The following MYOM2 variants were observed in gnomAD, a reference collection of about 807,000 sequenced individuals.
MYOM2 encodes myomesin 2, also known as myomesin-2.
In MYOM2, 254 loss-of-function variants were observed where a neutral mutation model predicts 187.6. That is an observed-to-expected ratio of 1.35 (90% CI 1.22 to 1.50). The LOEUF (loss-of-function observed/expected upper bound fraction) is 1.50. Ranked by LOEUF, MYOM2 falls within the 40% of genes most tolerant of loss-of-function variation. MYOM2 has a pLI of 0.00. For missense variants in MYOM2, 2,796 were observed against 1,924.0 expected (o/e 1.45, Z -8.48); for synonymous variants, 981 against 753.8 (o/e 1.30, Z -4.94).
At chr8:2,063,313 T>C (rs960257799) in intron 6 of MYOM2, among the ~76,000 whole-genome samples, 5 of 152,230 alleles carry the variant, frequency 3.3e-5, no homozygotes, top group Admixed American at 3.3e-4. Flanking sequence ...AGCTTTTCCT[T>C]CTGTGACATG....
chr8:2,141,322 C>G, intron 34 of MYOM2, 145 bp downstream of exon 34: 1 of 631,678 alleles, frequency 1.6e-6, no homozygotes, highest in Non-Finnish European at 2.8e-6. Flanking sequence ...TTAAGCAATG[C>G]AGTATATGGA....
At chr8:2,123,709 T>C in intron 30 of MYOM2, 67 bp downstream of exon 30, 1 of 1,376,930 alleles carries the variant, frequency 7.3e-7, no homozygotes, top group East Asian at 2.3e-5. Context: ...GGATGTATTC[T>C]GAAGGCAGGT....
rs1020181289 is a variant in MYOM2, at chr8:2,108,690, G to C, written c.2999-96G>C. On this transcript the variant is annotated intron_variant, in intron 23 of 36. Coordinates refer to ENST00000262113, the MANE Select transcript of MYOM2 (RefSeq NM_003970.4). ...TTCGTGTCCTCCAATTAAATCCTGGGGGTTTCCAATCTTGCTCGTGTGTCG... is the reference window on the plus strand; with the variant it reads ...TTCGTGTCCTCCAATTAAATCCTGGCGGTTTCCAATCTTGCTCGTGTGTCG... The C allele has an allele frequency of 1.7e-5, 19 of 1,145,430 alleles. No individual in the cohort carries two copies. The African/African-American group carries it at 2.1e-4, about 13-fold the overall frequency. 71.0% of individuals were successfully genotyped at this position (1,145,430 alleles called of 1,614,324 possible).
chr8:2,086,525 C>CTGTTGTGATCTCTGCGTGGCCCCCT, intron 14 of MYOM2, among the ~76,000 whole-genome samples: 1 of 135,080 alleles, frequency 7.4e-6, no homozygotes, highest in Non-Finnish European at 1.7e-5. Context: ...CGTGGCCCCA[C>CTGTTGTGATCTCTGCGTGGCCCCCT]ACTGTCGTGT....
intron 32 of MYOM2, among the ~76,000 whole-genome samples, chr8:2,134,640 C>A (rs563190439): frequency 6.6e-6 from 1 of 152,266 alleles, no homozygotes; most frequent in East Asian, 1.9e-4. Context: ...CTGTGCATCT[C>A]CTCATTCAGC....
chr8:2,132,912 G>A (rs116945025), intron 32 of MYOM2, among the ~76,000 whole-genome samples: 4,173 of 152,188 alleles, frequency 0.027, 66 homozygotes, highest in Middle Eastern at 0.048. Flanking sequence ...GCACATCTTC[G>A]TCCTTATGTC....
rs1276312609 is a variant in MYOM2, at chr8:2,076,224, A to C, written c.1204A>C (p.Thr402Pro). Residue 402 changes from threonine to proline, a missense_variant, in exon 11 of 37, where the codon ACC becomes CCC. By Grantham distance (38) the Thr-to-Pro change is conservative. Coordinates refer to ENST00000262113, the MANE Select transcript of MYOM2 (RefSeq NM_003970.4). ...CGCCAACCGGGACTACGTCATCGTG[A>C]CCTGGAAGCCGCCCAACACCACCAC... ...HDANRDYVIV[T>P]WKPPNTTTES... 1 of 1,613,668 alleles carries C rather than the reference A, an allele frequency of 6.2e-7. No homozygotes were observed. Among genetic ancestry groups the C allele is most frequent in the Non-Finnish European group, 8.5e-7 (1 of 1,179,906 alleles).
At chr8:2,142,590 G>A (rs1028151038) in intron 35 of MYOM2, among the ~76,000 whole-genome samples, 193 bp downstream of exon 35, 1 of 151,660 alleles carries the variant, frequency 6.6e-6, no homozygotes, top group Non-Finnish European at 1.5e-5. Flanking sequence ...CACTGCTTTC[G>A]GCCTTAGCCC....
intron 13 of MYOM2, among the ~76,000 whole-genome samples, chr8:2,083,307 C>G (rs928922208): frequency 6.8e-6 from 1 of 146,188 alleles, no homozygotes; most frequent in Non-Finnish European, 1.5e-5. Flanking sequence ...AGCAGTGTCT[C>G]ATGTGTGTTT....
At position 2,076,164 on chromosome 8, in the gene MYOM2, G is replaced by A. The variant is rs1200663729; in HGVS notation, c.1144G>A (p.Ala382Thr). The change falls in exon 11 of 37, where the codon GCC becomes ACC. Residue 382 changes from alanine to threonine, a missense_variant. Coordinates refer to ENST00000262113, the MANE Select transcript of MYOM2 (RefSeq NM_003970.4). ...VRDADPLVTG[A>T]PGAPMDLQCH... is the part of the protein sequence containing the mutation. ...AGATGCTGACCCGCTGGTCACAGGG[G>A]CCCCCGGTGCACCCATGGACTTGCA... The A allele has an allele frequency of 6.2e-7, 1 of 1,612,566 alleles. No homozygotes were observed. The highest frequency in any genetic ancestry group is 1.3e-5 in the African/African-American group (1 of 74,980).
At position 2,050,035 on chromosome 8, in the gene MYOM2, G is replaced by A. The variant is rs1417505950; in HGVS notation, c.-12-720G>A. Among the ~76,000 whole-genome samples, 4 of 152,074 alleles carry A rather than the reference G, an allele frequency of 2.6e-5. No homozygotes were observed. In the East Asian group the frequency reaches 5.8e-4, roughly 22 times the overall value. On this transcript the variant is annotated intron_variant, in intron 1 of 36. Coordinates refer to ENST00000262113, the MANE Select transcript of MYOM2 (RefSeq NM_003970.4). The stretch of plus-strand genomic sequence containing the variant: ...GACTTCAGACGGCAGATTCCAGGGG[G>A]CATCTCCAGCCAGTCCCTTTTTCCA...
At chr8:2,083,081 G>A (rs909580184) in intron 13 of MYOM2, among the ~76,000 whole-genome samples, 3 of 152,024 alleles carry the variant, frequency 2.0e-5, no homozygotes, top group African/African-American at 7.3e-5. Flanking sequence ...CACATGAACA[G>A]AACCCAAAAT....
chr8:2,051,001 A>C (rs555796829), intron 2 of MYOM2, 128 bp downstream of exon 2: 23 of 696,572 alleles, frequency 3.3e-5, no homozygotes, highest in African/African-American at 8.8e-5. Flanking sequence ...CAGAGATGGC[A>C]GCCTCTCCCG....
chr8:2,090,111 T>A lies in MYOM2; in HGVS notation c.1748T>A (p.Phe583Tyr). 6.2e-7 allele frequency: 1 copy of A among 1,614,092 alleles called. No homozygotes were observed. Among genetic ancestry groups the A allele is most frequent in the Non-Finnish European group, 8.5e-7 (1 of 1,180,002 alleles). The change falls in exon 15 of 37, where the codon TTC (phenylalanine) becomes TAC (tyrosine). Residue 583 changes from phenylalanine to tyrosine, a missense_variant. Transcript: ENST00000262113. ...FDLMEGKSYV[F>Y]RVLSANRHGL... ...CTCATGGAAGGGAAGTCTTATGTGT[T>A]CCGAGTGCTGTCAGCAAACCGGCAT...
chr8:2,140,814 A>G lies in MYOM2; in HGVS notation c.3892A>G (p.Lys1298Glu). The G allele has an allele frequency of 6.2e-7, 1 of 1,614,120 alleles. No homozygotes were observed. The highest frequency in any genetic ancestry group is 8.5e-7 in the Non-Finnish European group (1 of 1,179,974). Reference protein sequence around the residue: ...LQICEPTEKDKGKYTFEIFDG... With the variant: ...LQICEPTEKDEGKYTFEIFDG... ...GATATGTGAGCCGACTGAGAAGGAT[A>G]AAGGAAAATACACTTTTGAGATTTT... is the stretch of plus-strand genomic sequence containing the variant. Residue 1298 changes from lysine to glutamate, a missense_variant, in exon 33 of 37, where the codon AAA becomes GAA. Physicochemically the swap from Lys to Glu is moderately conservative, Grantham distance 56. Coordinates refer to ENST00000262113, the MANE Select transcript of MYOM2 (RefSeq NM_003970.4).
In MYOM2 at chr8:2,052,331, C is replaced by T; in HGVS notation, c.263+18C>T. ...AGAAGCAGGTGAGCACATGGCTTCCCTGACTCCACTTGTGCCCTGCGTGGG... is the reference window on the plus strand; with the variant it reads ...AGAAGCAGGTGAGCACATGGCTTCCTTGACTCCACTTGTGCCCTGCGTGGG... On this transcript the variant is annotated intron_variant, in intron 3 of 36. Coordinates refer to ENST00000262113, the MANE Select transcript of MYOM2 (RefSeq NM_003970.4). 1 of 1,585,264 alleles carries T rather than the reference C, an allele frequency of 6.3e-7. No homozygotes were observed. Among genetic ancestry groups the T allele is most frequent in the Non-Finnish European group, 8.6e-7 (1 of 1,164,724 alleles).
Position 2,108,846 on chromosome 8 carries a change from G to T in MYOM2, c.3043+16G>T, listed in dbSNP as rs1355517751. ...AAGAACCCCAGTAAGTAAGCCTCCA[G>T]CCCTTCCCCTCTGCTTGCAGCTGCT... On this transcript the variant is annotated intron_variant, in intron 24 of 36. Coordinates refer to ENST00000262113, the MANE Select transcript of MYOM2 (RefSeq NM_003970.4). 2 of 1,613,408 alleles carry T rather than the reference G, an allele frequency of 1.2e-6. No homozygotes were observed. Among genetic ancestry groups the T allele is most frequent in the African/African-American group, 2.7e-5 (2 of 74,876 alleles).
intron 13 of MYOM2, among the ~76,000 whole-genome samples, chr8:2,083,612 A>G (rs1300167097): frequency 6.6e-6 from 1 of 152,098 alleles, no homozygotes; most frequent in Non-Finnish European, 1.5e-5. Flanking sequence ...ATGTGTGCTT[A>G]ACGTTCATTT....
At chr8:2,062,876 C>T (rs567666682) in intron 6 of MYOM2, among the ~76,000 whole-genome samples, 5 of 152,272 alleles carry the variant, frequency 3.3e-5, no homozygotes, top group South Asian at 4.1e-4. Flanking sequence ...GAATGAAAAA[C>T]GTTGCGTTGA....
Sources: gnomAD v4.1 joint callset for allele counts (sites outside exome capture counted in the v4.1 genomes callset) on GRCh38, gnomAD v4.1.1 for gene constraint, MANE v1.5 for transcripts, NCBI Gene and HGNC (gene_info 2026-07-23, HGNC 2026-07-21) for gene names.